The following TMC4 variants were observed in gnomAD, a reference collection of about 807,000 sequenced individuals.
TMC4 encodes voltage-gated chloride channel TMC4.
Under a neutral mutation model 82.0 loss-of-function variants are expected in TMC4, and 70 were observed. That is an observed-to-expected ratio of 0.85 (90% CI 0.70 to 1.04). The LOEUF is 1.04. Among genes scored for constraint, TMC4 ranks in the 50% least tolerant of loss-of-function variants. The pLI is 0.00. For missense variants in TMC4, 879 were observed against 899.0 expected, an observed-to-expected ratio of 0.98 and a Z score of 0.28; for synonymous variants, 446 against 406.0, an observed-to-expected ratio of 1.10 and a Z score of -1.18.
chr19:54,172,963 C>G (rs934535264), intron 1 of TMC4, 76 bp downstream of exon 1: 3 of 1,326,886 alleles, frequency 2.3e-6, no homozygotes, highest in Non-Finnish European at 2.1e-6. Context: ...GGCCAGGCCT[C>G]CCCTTTCCTC....
In TMC4 at chr19:54,163,769, A is replaced by G. The variant is rs919168422; in HGVS notation, c.1232T>C (p.Leu411Pro). 3.1e-6 allele frequency: 5 copies of G among 1,613,898 alleles called. No individual in the cohort carries two copies. The highest frequency in any genetic ancestry group is 4.2e-6 in the Non-Finnish European group (5 of 1,180,012). Residue 411 changes from leucine (L) to proline (P), a missense_variant, in exon 8 of 15, where the codon CTG (leucine) becomes CCG (proline). By Grantham distance (98) the Leu-to-Pro change is moderately conservative. Coordinates refer to ENST00000619895, the MANE Select transcript of TMC4 (RefSeq NM_144686.4). The stretch of plus-strand genomic sequence containing the variant: ...CTGGCGACTCCGAGTGTAGCCCTCC[A>G]GTGGAGCAATGAGCTTGAACACGGG... Reference protein sequence around the residue: ...LPPVFKLIAPLEGYTRSRQIV... With the variant: ...LPPVFKLIAPPEGYTRSRQIV...
intron 13 of TMC4, 98 bp from the exon 14 acceptor site, chr19:54,160,643 C>T (rs1440340782): frequency 1.3e-6 from 2 of 1,570,354 alleles, no homozygotes; most frequent in South Asian, 1.1e-5. Flanking sequence ...GCCTAAGCCC[C>T]TCCTCGTCTG....
chr19:54,160,412 C>T, intron 14 of TMC4, 38 bp from the exon 15 acceptor site: 1 of 1,597,380 alleles, frequency 6.3e-7, no homozygotes, highest in East Asian at 2.2e-5. Flanking sequence ...CAATCCTCTT[C>T]CCCAACCCCT....
intron 3 of TMC4, 124 bp from the exon 4 acceptor site, chr19:54,168,804 TTTC>T (rs1177384029): frequency 2.8e-5 from 2 of 71,778 alleles, no homozygotes; most frequent in African/African-American, 2.9e-4. Flanking sequence ...TTTCTTTTCT[TTTC>T]TTTTCTTTTC....
chr19:54,166,613 T>C (rs1333957918), intron 5 of TMC4, among the ~76,000 whole-genome samples: 1 of 152,140 alleles, frequency 6.6e-6, no homozygotes, highest in African/African-American at 2.4e-5. Flanking sequence ...ACTCAGACCG[T>C]ATTCCCCTGT....
intron 11 of TMC4, among the ~76,000 whole-genome samples, chr19:54,161,502 C>T (rs1033360342): frequency 6.6e-6 from 1 of 150,732 alleles, no homozygotes; most frequent in Non-Finnish European, 1.5e-5. Context: ...GTGTGCACCA[C>T]CACTCCCGGC....
intron 2 of TMC4, 46 bp from the exon 3 acceptor site, chr19:54,169,706 C>T (rs766549461): frequency 6.2e-7 from 1 of 1,603,926 alleles, no homozygotes; most frequent in South Asian, 1.1e-5. Flanking sequence ...CAGCCCCAGA[C>T]TGGGAACCAT....
intron 10 of TMC4, 101 bp from the exon 11 acceptor site, chr19:54,162,386 T>TTG (rs2075582323): frequency 3.7e-5 from 13 of 351,624 alleles, no homozygotes; most frequent in Non-Finnish European, 5.3e-5. Context: ...TGCGTATTGG[T>TTG]GGTGGGGGGG....
chr19:54,168,667 G>T lies in TMC4; in HGVS notation c.456C>A (p.Ala152=), dbSNP rs753453507. The T allele has an allele frequency of 1.4e-5, 21 of 1,544,842 alleles. No individual in the cohort carries two copies. Among genetic ancestry groups the T allele is most frequent in the Non-Finnish European group, 1.8e-5 (21 of 1,144,108 alleles). The change falls in exon 4 of 15, where the codon GCC becomes GCA. Residue 152 remains alanine, a synonymous_variant. Transcript: ENST00000619895. ...GCAGGGAGAAGTAGGACTCCGTGCC[G>T]GCGCCAAACTGGCCTGCAGGGGGCA... is the stretch of plus-strand genomic sequence containing the variant. ...TLKRIGGQFG[A]GTESYFSLLR... is the part of the protein sequence containing the mutation.
In TMC4 at chr19:54,164,751, C is replaced by CCCG. The variant is rs2075658532; in HGVS notation, c.946-151_946-150insCGG. 406 of 1,076,010 alleles carry CCCG rather than the reference C, an allele frequency of 3.8e-4. 1 individual carries two copies. The African/African-American group carries it at 4.9e-3, about 13-fold the overall frequency. 66.7% of individuals were successfully genotyped at this position (1,076,010 alleles called of 1,614,324 possible). ...AACAACCTCTGCAGTCCTGGTTCCA[C>CCCG]CTGCTCCAGGAAACCAGCGGCCCTT... On this transcript the variant is annotated intron_variant, in intron 6 of 14. Coordinates refer to ENST00000619895, the MANE Select transcript of TMC4 (RefSeq NM_144686.4).
Position 54,162,004 on chromosome 19 carries a change from G to C in TMC4, c.1686+98C>G, listed in dbSNP as rs547056678. The C allele has an allele frequency of 1.3e-5, 14 of 1,107,444 alleles. No individual in the cohort carries two copies. In the South Asian group the frequency reaches 2.1e-4, roughly 17 times the overall value. The allele number at this position is 1,107,444 out of a possible 1,614,324, so 68.6% of individuals were successfully genotyped here. On this transcript the variant is annotated intron_variant, in intron 11 of 14. Coordinates refer to ENST00000619895, the MANE Select transcript of TMC4 (RefSeq NM_144686.4). ...TCCAACCCCCTCCTCTCTCAGGACCGAGTAATCCAGGCCCCCAGGATCTTC... is the reference window on the plus strand; with the variant it reads ...TCCAACCCCCTCCTCTCTCAGGACCCAGTAATCCAGGCCCCCAGGATCTTC...
Position 54,168,252 on chromosome 19 carries a change from G to C in TMC4, c.716C>G (p.Pro239Arg), listed in dbSNP as rs969433966. ...GGTGACCGCCAGGCGTGGGCGGGGC[G>C]GGTAGAAGCCATAGAAGAGAGGGGA... ...EWSPLFYGFY[P>R]PRPRLAVTYL... The change falls in exon 5 of 15, where the codon CCG (proline) becomes CGG (arginine). Residue 239 changes from proline to arginine, a missense_variant. By Grantham distance (103) the Pro-to-Arg change is moderately radical (BLOSUM62 -2). Coordinates refer to ENST00000619895, the MANE Select transcript of TMC4 (RefSeq NM_144686.4). 6.4e-7 allele frequency: 1 copy of C among 1,563,736 alleles called. No individual in the cohort carries two copies. Among genetic ancestry groups the C allele is most frequent in the East Asian group, 2.4e-5 (1 of 42,040 alleles).
At chr19:54,163,304 CTTTCTTT>C (rs1239429463) in intron 8 of TMC4, 145 bp from the exon 9 acceptor site, 631 of 794,074 alleles carry the variant, frequency 7.9e-4, no homozygotes, top group African/African-American at 3.4e-3. Flanking sequence ...TTCTTTCTTT[CTTTCTTT>C]TTTTTTTTTT....
intron 6 of TMC4, 162 bp from the exon 7 acceptor site, chr19:54,164,763 A>C (rs2075659205): frequency 1.1e-6 from 1 of 914,888 alleles, no homozygotes; most frequent in African/African-American, 1.7e-5. Flanking sequence ...TGCTCCAGGA[A>C]ACCAGCGGCC....
rs782087020 is a variant in TMC4 at position 54,160,255 on chromosome 19, C to T, written c.*51G>A. The T allele has an allele frequency of 6.7e-7, 1 of 1,496,014 alleles. No homozygotes were observed. Among genetic ancestry groups the T allele is most frequent in the South Asian group, 1.4e-5 (1 of 71,574 alleles). The allele number at this position is 1,496,014 out of a possible 1,614,324, so 92.7% of individuals were successfully genotyped here. Reference sequence around the variant, plus strand: ...TCTCCTAGTTTACAGATGTTGTGACCTAGGCTTACAATGGGCCTGGGGTCT... The same window carrying T: ...TCTCCTAGTTTACAGATGTTGTGACTTAGGCTTACAATGGGCCTGGGGTCT... On this transcript the variant is annotated 3_prime_UTR_variant, in exon 15 of 15. Coordinates refer to ENST00000619895, the MANE Select transcript of TMC4 (RefSeq NM_144686.4).
chr19:54,166,483 C>T (rs1171026609), intron 5 of TMC4, among the ~76,000 whole-genome samples: 2 of 152,162 alleles, frequency 1.3e-5, no homozygotes, highest in East Asian at 3.9e-4. Context: ...CTGGCCCCGG[C>T]CCCCATCATC....
intron 10 of TMC4, 105 bp from the exon 11 acceptor site, chr19:54,162,390 G>A: frequency 1.9e-5 from 1 of 51,424 alleles, no homozygotes; most frequent in Admixed American, 5.3e-4. Flanking sequence ...TATTGGTGGT[G>A]GGGGGGGGGG....
chr19:54,163,393 C>G, intron 8 of TMC4: 1 of 639,908 alleles, frequency 1.6e-6, no homozygotes. Context: ...TCACTGCAAC[C>G]TCCACCTCCC....
At chr19:54,160,417 A>C (rs759999902) in intron 14 of TMC4, 43 bp from the exon 15 acceptor site, 1 of 1,599,544 alleles carries the variant, frequency 6.3e-7, no homozygotes, top group Admixed American at 1.7e-5. Context: ...CTCTTCCCCA[A>C]CCCCTTTCCA....
Sources: allele counts gnomAD v4.1 joint callset (sites outside exome capture counted in the v4.1 genomes callset), GRCh38; gene constraint gnomAD v4.1.1; transcripts MANE v1.5; gene names NCBI Gene and HGNC (gene_info 2026-07-23, HGNC 2026-07-21).